The following SRGN variants were observed in gnomAD, a reference collection of about 807,000 sequenced individuals.
The protein encoded by SRGN is hematopoetic proteoglycan core peptide.
Under a neutral mutation model 9.5 loss-of-function variants are expected in SRGN, and 2 were observed. The observed-to-expected ratio is 0.21, with a 90% CI of 0.09 to 0.66. The LOEUF is 0.66. SRGN is among the 30% of genes least tolerant of loss of function. The pLI is 0.83. For missense variants in SRGN, 170 were observed against 192.4 expected (o/e 0.88, Z 0.69); for synonymous variants, 59 against 72.3 (o/e 0.82, Z 0.93).
upstream of SRGN, chr10:69,088,055 G>A (rs1240813464): frequency 3.2e-6 from 3 of 937,092 alleles, no homozygotes; most frequent in African/African-American, 3.2e-5. Flanking sequence ...TCTGGGCAGG[G>A]TTTGAGGTTT....
At chr10:69,101,562 C>T (rs1368644337) in intron 2 of SRGN, among the ~76,000 whole-genome samples, 1 of 152,130 alleles carries the variant, frequency 6.6e-6, no homozygotes, top group Non-Finnish European at 1.5e-5. Flanking sequence ...GGCAACATCT[C>T]TCCTTTGACT....
At chr10:69,097,979 C>T (rs1418620743) in intron 2 of SRGN, among the ~76,000 whole-genome samples, 1 of 152,166 alleles carries the variant, frequency 6.6e-6, no homozygotes, top group Non-Finnish European at 1.5e-5. Flanking sequence ...GGTAGTTTGG[C>T]TCTTACTCTG....
intron 1 of SRGN, among the ~76,000 whole-genome samples, chr10:69,091,879 C>CAAAAACAAAAAAAAAAA: frequency 3.1e-5 from 1 of 31,770 alleles, no homozygotes; most frequent in Non-Finnish European, 4.7e-5. Context: ...GACTCTGTCT[C>CAAAAACAAAAAAAAAAA]AAAAAAAAAA....
chr10:69,088,291 A>G (rs1768241637), intron 1 of SRGN, 55 bp downstream of exon 1: 1 of 1,402,908 alleles, frequency 7.1e-7, no homozygotes, highest in Non-Finnish European at 1.0e-6. Flanking sequence ...CCTGTGGTCC[A>G]TGCAAGTCAT....
chr10:69,090,953 C>G (rs542473426), intron 1 of SRGN, among the ~76,000 whole-genome samples: 13 of 152,094 alleles, frequency 8.5e-5, no homozygotes, highest in South Asian at 2.1e-4. Flanking sequence ...TATCCATGAA[C>G]AGGTGCAGCC....
intron 1 of SRGN, among the ~76,000 whole-genome samples, chr10:69,093,030 G>A (rs1323836841): frequency 2.0e-5 from 3 of 152,224 alleles, no homozygotes; most frequent in Middle Eastern, 6.8e-3. Context: ...CTTTCACCTG[G>A]ATGCTTTCTC....
chr10:69,100,943 G>T (rs536457011), intron 2 of SRGN, among the ~76,000 whole-genome samples: 1 of 151,044 alleles, frequency 6.6e-6, no homozygotes, highest in Non-Finnish European at 1.5e-5. Context: ...TTCCACTATC[G>T]CTGTAGCCCA....
intron 1 of SRGN, among the ~76,000 whole-genome samples, chr10:69,093,086 T>C (rs1291675342): frequency 6.6e-6 from 1 of 152,180 alleles, no homozygotes; most frequent in African/African-American, 2.4e-5. Context: ...AGCAAACATT[T>C]TCTCAGCTTG....
chr10:69,092,094 G>A (rs1246976308), intron 1 of SRGN, among the ~76,000 whole-genome samples: 1 of 151,798 alleles, frequency 6.6e-6, no homozygotes, highest in East Asian at 1.9e-4. Flanking sequence ...GGCAGTGAGG[G>A]ATAGGATTCA....
chr10:69,099,555 T>C (rs1354922681), intron 2 of SRGN, among the ~76,000 whole-genome samples: 1 of 152,044 alleles, frequency 6.6e-6, no homozygotes, highest in Non-Finnish European at 1.5e-5. Context: ...TCCTCCCACC[T>C]CAGCCTCCCA....
rs749681083 is a variant in SRGN at position 69,088,115 on chromosome 10, C to A, written c.-43C>A. The A allele has an allele frequency of 6.4e-7, 1 of 1,561,798 alleles. No homozygotes were observed. The highest frequency in any genetic ancestry group is 1.4e-5 in the African/African-American group (1 of 73,950). ...AGAGCACCCTGCTACATTTCCTAAT[C>A]AAGAAGTTGGCGTGCAGCTGGGAGA... On this transcript the variant is annotated 5_prime_UTR_variant, in exon 1 of 3. Coordinates refer to ENST00000242465, the MANE Select transcript of SRGN (RefSeq NM_002727.4).
chr10:69,091,064 C>T (rs1173599806), intron 1 of SRGN, among the ~76,000 whole-genome samples: 1 of 152,206 alleles, frequency 6.6e-6, no homozygotes, highest in Non-Finnish European at 1.5e-5. Context: ...AGTGATTTCA[C>T]ATCCATTCTC....
chr10:69,090,079 G>A (rs771398614), intron 1 of SRGN, among the ~76,000 whole-genome samples: 3 of 152,076 alleles, frequency 2.0e-5, no homozygotes, highest in East Asian at 3.9e-4. Flanking sequence ...GGGTGTTTCC[G>A]AAAAAAGGCT....
intron 2 of SRGN, among the ~76,000 whole-genome samples, chr10:69,103,150 G>C (rs961352751): frequency 6.6e-6 from 1 of 152,114 alleles, no homozygotes; most frequent in Non-Finnish European, 1.5e-5. Flanking sequence ...ATGTTGGTCA[G>C]GCTGGTTTCG....
upstream of SRGN, among the ~76,000 whole-genome samples, chr10:69,087,857 T>TG (rs1839969533): frequency 6.6e-6 from 1 of 151,654 alleles, no homozygotes; most frequent in African/African-American, 2.4e-5. Context: ...ACTGTTTCGG[T>TG]GGGAAAAAAA....
chr10:69,097,475 G>A (rs1279389477), intron 2 of SRGN, among the ~76,000 whole-genome samples: 5 of 142,994 alleles, frequency 3.5e-5, no homozygotes, highest in African/African-American at 5.1e-5. Flanking sequence ...CGCTCAGGCT[G>A]GAGTGCAGTG....
chr10:69,091,920 G>GAAAAAGAA (rs1840070577), intron 1 of SRGN, among the ~76,000 whole-genome samples: 5 of 81,306 alleles, frequency 6.1e-5, no homozygotes, highest in African/African-American at 2.2e-4. Flanking sequence ...AAAAAGAAAA[G>GAAAAAGAA]AAAAGAAAAA....
At chr10:69,097,444 T>TTTTTTTTTG (rs1840199408) in intron 2 of SRGN, among the ~76,000 whole-genome samples, 2 of 146,732 alleles carry the variant, frequency 1.4e-5, no homozygotes, top group Non-Finnish European at 1.5e-5. Context: ...TTTTTTTTTT[T>TTTTTTTTTG]GAGACGGAGT....
upstream of SRGN, among the ~76,000 whole-genome samples, chr10:69,087,916 C>T (rs886915734): frequency 1.3e-5 from 2 of 151,994 alleles, no homozygotes; most frequent in Non-Finnish European, 2.9e-5. Flanking sequence ...AAAAAGCAGG[C>T]CTGGGGGGAG....
Sources: gnomAD v4.1 joint callset for allele counts (sites outside exome capture counted in the v4.1 genomes callset) on GRCh38, gnomAD v4.1.1 for gene constraint, MANE v1.5 for transcripts, NCBI Gene and HGNC (gene_info 2026-07-23, HGNC 2026-07-21) for gene names.